The following CMPK2 variants were observed in gnomAD, a reference collection of about 807,000 sequenced individuals.
CMPK2 encodes cytidine/uridine monophosphate kinase 2, also known as UMP-CMP kinase 2, mitochondrial.
Under a neutral mutation model 33.4 loss-of-function variants are expected in CMPK2, and 32 were observed. The ratio of observed to expected loss-of-function variants is 0.96; its 90% CI spans 0.72 to 1.29. The LOEUF (loss-of-function observed/expected upper bound fraction) is 1.29. CMPK2 is among the 50% of genes most tolerant of loss of function. CMPK2 has a pLI of 0.00. For synonymous variants in CMPK2, 299 were observed against 275.3 expected (o/e 1.09, Z -0.85); for missense variants, 672 against 616.0 (o/e 1.09, Z -0.96).
rs1662424644 is a variant in CMPK2 at position 6,848,719 on chromosome 2, G to A, written c.*1131C>T. ...AGATTTATCTGCCTTTGAACTGGAA[G>A]GAATTTTAGGTAATCACCTGGTTCA... On this transcript the variant is annotated 3_prime_UTR_variant, in exon 5 of 5. Coordinates refer to ENST00000256722, the MANE Select transcript of CMPK2 (RefSeq NM_207315.4). 3 of 985,654 alleles carry A rather than the reference G, an allele frequency of 3.0e-6. No individual in the cohort carries two copies. In the Admixed American group the frequency reaches 1.8e-4, roughly 61 times the overall value. 61.1% of individuals were successfully genotyped at this position (985,654 alleles called of 1,614,324 possible).
At chr2:6,851,098 T>C (rs1662508120) in intron 4 of CMPK2, 2 of 1,120,014 alleles carry the variant, frequency 1.8e-6, no homozygotes, top group Non-Finnish European at 2.2e-6. Flanking sequence ...ATCTAATAGG[T>C]AGATGTTACT....
intron 3 of CMPK2, chr2:6,840,780 T>G: frequency 1.5e-6 from 1 of 666,884 alleles, no homozygotes; most frequent in Non-Finnish European, 2.7e-6. Context: ...TGATAACTGT[T>G]TTAATTCCTG....
chr2:6,855,187 G>A (rs969522828), intron 3 of CMPK2, among the ~76,000 whole-genome samples: 2 of 151,494 alleles, frequency 1.3e-5, no homozygotes, highest in African/African-American at 4.9e-5. Context: ...CCCATTGTTG[G>A]AGATGAGGCC....
chr2:6,850,398 A>G (rs1172582776), intron 4 of CMPK2, among the ~76,000 whole-genome samples: 1 of 152,046 alleles, frequency 6.6e-6, no homozygotes, highest in Non-Finnish European at 1.5e-5. Context: ...TATGCATGGG[A>G]CTCTTCTAAT....
intron 3 of CMPK2, among the ~76,000 whole-genome samples, chr2:6,853,826 C>T (rs1034089474): frequency 4.6e-4 from 70 of 152,138 alleles, no homozygotes; most frequent in African/African-American, 1.5e-3. Context: ...GGCGTGAACC[C>T]GGAAGGCAGA....
intron 3 of CMPK2, chr2:6,840,753 T>C (rs1465843691): frequency 8.7e-6 from 6 of 686,866 alleles, no homozygotes; most frequent in Non-Finnish European, 1.6e-5. Context: ...TGGCCCTAGT[T>C]CTTGGGGTTG....
Position 6,849,603 on chromosome 2 carries a change from C to T in CMPK2, c.*247G>A. 7.8e-7 allele frequency: 1 copy of T among 1,275,462 alleles called. No individual in the cohort carries two copies. Among genetic ancestry groups the T allele is most frequent in the Non-Finnish European group, 9.9e-7 (1 of 1,012,600 alleles). The allele number at this position is 1,275,462 out of a possible 1,614,324, so 79.0% of individuals were successfully genotyped here. A position where few individuals can be genotyped will look rare whatever the true frequency, so the allele number is the denominator to read the frequency against. On this transcript the variant is annotated 3_prime_UTR_variant, in exon 5 of 5. Coordinates refer to ENST00000256722, the MANE Select transcript of CMPK2 (RefSeq NM_207315.4). ...AACATATGTTCCAAGAAAATGTTTACTATGCCAGGAAGAAAGCAATCGCTG... is the reference window on the plus strand; with the variant it reads ...AACATATGTTCCAAGAAAATGTTTATTATGCCAGGAAGAAAGCAATCGCTG...
intron 3 of CMPK2, among the ~76,000 whole-genome samples, 163 bp from the exon 4 acceptor site, chr2:6,851,846 T>A (rs984953032): frequency 2.6e-5 from 4 of 152,258 alleles, no homozygotes; most frequent in African/African-American, 9.6e-5. Context: ...AAAAAAGTTA[T>A]ACAATATTGT....
Position 6,865,906 on chromosome 2 carries a change from G to C in CMPK2, c.-210C>G. On this transcript the variant is annotated 5_prime_UTR_variant, in exon 1 of 5. Coordinates refer to ENST00000256722, the MANE Select transcript of CMPK2 (RefSeq NM_207315.4). ...CGGCCTCTCCTCCTCGCCGCGAGATGTGCGCGATAAACGGCCGGCGCTCGG... is the reference window on the plus strand; with the variant it reads ...CGGCCTCTCCTCCTCGCCGCGAGATCTGCGCGATAAACGGCCGGCGCTCGG... 2 of 1,413,924 alleles carry C rather than the reference G, an allele frequency of 1.4e-6. No homozygotes were observed. The highest frequency in any genetic ancestry group is 1.8e-6 in the Non-Finnish European group (2 of 1,083,968). The allele number at this position is 1,413,924 out of a possible 1,614,324, so 87.6% of individuals were successfully genotyped here.
At chr2:6,847,796 G>A (rs1172493238), downstream of CMPK2, among the ~76,000 whole-genome samples, 2 of 152,186 alleles carry the variant, frequency 1.3e-5, no homozygotes, top group East Asian at 3.9e-4. Context: ...CTATTGGCAA[G>A]AAACTAGCCA....
rs1240782279 is a variant in CMPK2, at chr2:6,851,644, C to T, written c.1032G>A (p.Glu344=). The change falls in exon 4 of 5, where the codon GAG becomes GAA. Residue 344 remains glutamate (E), a synonymous_variant. Coordinates refer to ENST00000256722, the MANE Select transcript of CMPK2 (RefSeq NM_207315.4). Reference sequence around the variant, plus strand: ...GCAGGTGCTGGAGACCCCCACTCACCTCAGTGGCTATGGCATAGGTGGCCG... The same window carrying T: ...GCAGGTGCTGGAGACCCCCACTCACTTCAGTGGCTATGGCATAGGTGGCCG... ...HSTATYAIAT[E]VSGGLQHLPP... is the part of the protein sequence containing the mutation. 6 of 1,614,028 alleles carry T rather than the reference C, an allele frequency of 3.7e-6. No individual in the cohort carries two copies. The South Asian group carries it at 5.5e-5, about 15-fold the overall frequency.
At chr2:6,855,055 G>A (rs1445080295) in intron 3 of CMPK2, among the ~76,000 whole-genome samples, 1 of 151,696 alleles carries the variant, frequency 6.6e-6, no homozygotes, top group Non-Finnish European at 1.5e-5. Context: ...ATATGGTTTG[G>A]TTCTTTGTCC....
At chr2:6,856,507 A>G (rs750555629) in intron 3 of CMPK2, among the ~76,000 whole-genome samples, 7 of 152,352 alleles carry the variant, frequency 4.6e-5, no homozygotes, top group Middle Eastern at 3.4e-3. Context: ...ATTTACATTT[A>G]TGATTAATGT....
intron 4 of CMPK2, 31 bp downstream of exon 4, chr2:6,851,419 C>G: frequency 6.2e-7 from 1 of 1,613,722 alleles, no homozygotes; most frequent in Non-Finnish European, 8.5e-7. Context: ...GAATGCCTGC[C>G]GCTCACATTG....
rs1417938989 is a variant in CMPK2 at position 6,865,018 on chromosome 2, T to C, written c.675+4A>G. 3.5e-6 allele frequency: 5 copies of C among 1,420,290 alleles called. No individual in the cohort carries two copies. The Admixed American group carries it at 9.2e-5, about 26-fold the overall frequency. 88.0% of individuals were successfully genotyped at this position (1,420,290 alleles called of 1,614,324 possible). A position where few individuals can be genotyped will look rare whatever the true frequency, so the allele number is the denominator to read the frequency against. On this transcript the variant is annotated splice_donor_region_variant and intron_variant, in intron 1 of 4. Transcript: ENST00000256722. ...TGGGAGCTGGAAGCGGACAGAACTC[T>C]TACCTCCTCCAAAACGGCCCGGGCG...
At chr2:6,863,852 G>A (rs562385612) in intron 1 of CMPK2, among the ~76,000 whole-genome samples, 3 of 152,356 alleles carry the variant, frequency 2.0e-5, no homozygotes, top group Non-Finnish European at 2.9e-5. Flanking sequence ...GGCCAGGCAA[G>A]GCACATCATC....
chr2:6,861,550 G>A (rs187576534), intron 2 of CMPK2, among the ~76,000 whole-genome samples, 165 bp from the exon 3 acceptor site: 41 of 152,286 alleles, frequency 2.7e-4, no homozygotes, highest in South Asian at 8.3e-4. Context: ...GGATTTCTCC[G>A]TGTGGTATTA....
intron 1 of CMPK2, chr2:6,864,208 G>GA (rs1233407475): frequency 4.0e-5 from 6 of 150,558 alleles, no homozygotes; most frequent in Admixed American, 2.0e-4. Context: ...AACTGGGGTG[G>GA]GGGGGTGCTA....
downstream of CMPK2, among the ~76,000 whole-genome samples, chr2:6,844,976 G>A (rs1309948285): frequency 6.6e-6 from 1 of 152,190 alleles, no homozygotes; most frequent in African/African-American, 2.4e-5. Context: ...GCACCCAGAA[G>A]TTGCATTTGA....
Sources: gnomAD v4.1 joint callset for allele counts (sites outside exome capture counted in the v4.1 genomes callset) on GRCh38, gnomAD v4.1.1 for gene constraint, MANE v1.5 for transcripts, NCBI Gene and HGNC (gene_info 2026-07-23, HGNC 2026-07-21) for gene names.